The following DHX8 variants were observed in gnomAD, a reference collection of about 807,000 sequenced individuals.
The protein encoded by DHX8 is ATP-dependent RNA helicase DHX8.
A neutral mutation model predicts 140.7 loss-of-function variants in DHX8; 67 were observed. That is an observed-to-expected ratio of 0.48 (90% CI 0.39 to 0.58). The LOEUF (loss-of-function observed/expected upper bound fraction) is 0.58, where lower values mean the gene tolerates loss of function less well. Ranked by LOEUF, DHX8 falls within the 20% of genes least tolerant of loss-of-function variation. The pLI is 0.00. For synonymous variants in DHX8, 533 were observed against 553.2 expected, an observed-to-expected ratio of 0.96 and a Z score of 0.51; for missense variants, 887 against 1,550.7, an observed-to-expected ratio of 0.57 and a Z score of 7.19.
chr17:43,490,671 T>C (rs1450027433), intron 3 of DHX8, among the ~76,000 whole-genome samples: 1 of 152,042 alleles, frequency 6.6e-6, no homozygotes, highest in Admixed American at 6.5e-5. Flanking sequence ...CCAGGAGTTT[T>C]AGACCAGCCT....
At position 43,492,994 on chromosome 17, in the gene DHX8, A is replaced by G. The variant is rs1190125398; in HGVS notation, c.817A>G (p.Thr273Ala). 6.2e-7 allele frequency: 1 copy of G among 1,614,172 alleles called. No homozygotes were observed. Among genetic ancestry groups the G allele is most frequent in the South Asian group, 1.1e-5 (1 of 91,090 alleles). The stretch of plus-strand genomic sequence containing the variant: ...TGGTGACATTTATAATGGCAAAGTT[A>G]CCAGCATCATGCAGTTTGGTTGCTT... ...TIGDIYNGKV[T>A]SIMQFGCFVQ... Residue 273 changes from threonine (T) to alanine (A), a missense_variant, in exon 6 of 23, where the codon ACC (threonine) becomes GCC (alanine). Around this residue, in one of 9 missense-constraint regions of DHX8, gnomAD observed 304 missense variants for 306.9 expected, o/e 0.99. Transcript: ENST00000262415.
At chr17:43,514,773 A>T (rs1970022944) in intron 17 of DHX8, among the ~76,000 whole-genome samples, 2 of 152,248 alleles carry the variant, frequency 1.3e-5, no homozygotes, top group Non-Finnish European at 2.9e-5. Flanking sequence ...AATGTATTCC[A>T]AAAGGGAAGT....
intron 8 of DHX8, 79 bp downstream of exon 8, chr17:43,493,965 T>C (rs1299356982): frequency 2.0e-6 from 3 of 1,467,556 alleles, no homozygotes; most frequent in Non-Finnish European, 2.8e-6. Flanking sequence ...TGGAGCACGA[T>C]GGCCTGGGAT....
chr17:43,524,648 A>G lies in DHX8; in HGVS notation c.*801A>G, dbSNP rs1181288794. 1.0e-6 allele frequency: 1 copy of G among 984,762 alleles called. No individual in the cohort carries two copies. Among genetic ancestry groups the G allele is most frequent in the African/African-American group, 1.8e-5 (1 of 57,006 alleles). The allele number at this position is 984,762 out of a possible 1,614,324, so 61.0% of individuals were successfully genotyped here. ...CAGAAGGTTTCCCCTTGCTCCCTCC[A>G]CCTCCCACATTCGCAATGTGCAGCA... is the stretch of plus-strand genomic sequence containing the variant. On this transcript the variant is annotated 3_prime_UTR_variant, in exon 23 of 23. Coordinates refer to ENST00000262415, the MANE Select transcript of DHX8 (RefSeq NM_004941.3).
rs967919154 is a variant in DHX8 at position 43,521,490 on chromosome 17, A to G, written c.3188A>G (p.Tyr1063Cys). ...KNNKFSNPWC[Y>C]ENFIQARSLR... is the part of the protein sequence containing the mutation. ...AACAAGTTCTCCAACCCATGGTGCT[A>G]TGAGAACTTTATCCAGGCTCGTTCC... is the stretch of plus-strand genomic sequence containing the variant. The change falls in exon 21 of 23, where the codon TAT (tyrosine) becomes TGT (cysteine). Residue 1063 changes from tyrosine (Y) to cysteine (C), a missense_variant. Coordinates refer to ENST00000262415, the MANE Select transcript of DHX8 (RefSeq NM_004941.3). The G allele has an allele frequency of 1.2e-6, 2 of 1,613,918 alleles. No individual in the cohort carries two copies. Among genetic ancestry groups the G allele is most frequent in the Non-Finnish European group, 8.5e-7 (1 of 1,179,994 alleles).
chr17:43,512,688 A>G (rs1402967030), intron 16 of DHX8, among the ~76,000 whole-genome samples: 1 of 152,190 alleles, frequency 6.6e-6, no homozygotes, highest in Non-Finnish European at 1.5e-5. Flanking sequence ...AGATGCTGGC[A>G]TGATGCGTGA....
intron 3 of DHX8, among the ~76,000 whole-genome samples, chr17:43,540,491 C>T (rs575510464): frequency 6.6e-6 from 1 of 152,222 alleles, no homozygotes; most frequent in Non-Finnish European, 1.5e-5. Flanking sequence ...ACACGATTCC[C>T]AGTCCCCTCC....
At chr17:43,533,002 G>C in intron 2 of DHX8, 1 of 1,521,938 alleles carries the variant, frequency 6.6e-7, no homozygotes, top group Non-Finnish European at 8.8e-7. Context: ...CCTCGAGCCT[G>C]TTACTCCTAG....
chr17:43,533,727 C>T lies in DHX8; in HGVS notation c.351-2685C>T, dbSNP rs1864663283. 9 of 1,203,428 alleles carry T rather than the reference C, an allele frequency of 7.5e-6. No homozygotes were observed. The South Asian group carries it at 1.3e-4, about 18-fold the overall frequency. The allele number at this position is 1,203,428 out of a possible 1,614,324, so 74.5% of individuals were successfully genotyped here. A position where few individuals can be genotyped will look rare whatever the true frequency, so the allele number is the denominator to read the frequency against. On this transcript the variant is annotated intron_variant, in intron 2 of 3. Coordinates refer to the DHX8 transcript ENST00000589898. ...AGGAAATCCTTAGCTGTATTGCTTC[C>T]TTACAAGTGCTAGAAAATCCTTTCT...
downstream of DHX8, chr17:43,526,457 C>T (rs954335254): frequency 9.1e-6 from 14 of 1,534,864 alleles, no homozygotes; most frequent in Admixed American, 3.9e-5. Context: ...TACTTCATCC[C>T]GCCTGGACGT....
At chr17:43,533,717 G>A (rs1242553940) in intron 2 of DHX8, 3 of 1,072,696 alleles carry the variant, frequency 2.8e-6, no homozygotes, top group African/African-American at 3.3e-5. Context: ...ATCCTTAGCT[G>A]TATTGCTTCC....
Position 43,522,714 on chromosome 17 carries a change from T to C in DHX8, c.3443+488T>C, listed in dbSNP as rs1457604037. On this transcript the variant is annotated intron_variant, in intron 22 of 22. Transcript: ENST00000262415. ...AGTGAGCCGAAATCACCCATTGCACTCCAGCCTGGGCAACAAGAGCGAAAC... is the reference window on the plus strand; with the variant it reads ...AGTGAGCCGAAATCACCCATTGCACCCCAGCCTGGGCAACAAGAGCGAAAC... 3.7e-5 allele frequency among the ~76,000 whole-genome samples: 4 copies of C among 108,744 alleles called. No homozygotes were observed. In the Admixed American group the frequency reaches 5.3e-4, roughly 14 times the overall value. 71.3% of individuals were successfully genotyped at this position (108,744 alleles called of 152,430 possible). A position where few individuals can be genotyped will look rare whatever the true frequency, so the allele number is the denominator to read the frequency against.
chr17:43,528,459 A>AT, downstream of DHX8: 2 of 1,172,570 alleles, frequency 1.7e-6, no homozygotes, highest in African/African-American at 1.5e-5. Flanking sequence ...CCAACACCAG[A>AT]TTCATTTATA....
chr17:43,506,789 C>G (rs146070647), intron 12 of DHX8, among the ~76,000 whole-genome samples: 1 of 152,018 alleles, frequency 6.6e-6, no homozygotes, highest in East Asian at 1.9e-4. Context: ...TTGGGAGTTA[C>G]AGTGGGAAGG....
intron 16 of DHX8, among the ~76,000 whole-genome samples, chr17:43,509,100 C>T (rs943352412): frequency 6.6e-6 from 1 of 152,234 alleles, no homozygotes; most frequent in African/African-American, 2.4e-5. Flanking sequence ...ATTGTGAGAA[C>T]AAGCCTCTAT....
rs1970501719 is a variant in DHX8, at chr17:43,523,695, C to T, written c.3511C>T (p.Arg1171Trp). The T allele has an allele frequency of 1.2e-6, 2 of 1,614,198 alleles. No homozygotes were observed. The highest frequency in any genetic ancestry group is 8.5e-7 in the Non-Finnish European group (1 of 1,180,046). Reference sequence around the variant, plus strand: ...GCGTGAAGTTACCACCATCGACCCTCGGTGGCTTGTGGAGTTTGCCCCAGC... The same window carrying T: ...GCGTGAAGTTACCACCATCGACCCTTGGTGGCTTGTGGAGTTTGCCCCAGC... ...YMREVTTIDP[R>W]WLVEFAPAFF... The change falls in exon 23 of 23, where the codon CGG becomes TGG. Residue 1171 changes from arginine to tryptophan, a missense_variant. By Grantham distance (101) the Arg-to-Trp change is moderately radical (BLOSUM62 -3). This residue lies in a region of DHX8 where 101 missense variants were observed against 168.2 expected (regional missense o/e 0.60). Coordinates refer to ENST00000262415, the MANE Select transcript of DHX8 (RefSeq NM_004941.3).
chr17:43,498,443 G>A (rs143289850), intron 9 of DHX8, among the ~76,000 whole-genome samples: 1,715 of 149,896 alleles, frequency 0.011, 16 homozygotes, highest in Non-Finnish European at 0.019. Context: ...CACTGCACCC[G>A]GCCTTTTTTT....
chr17:43,512,841 A>G (rs961416107), intron 16 of DHX8, among the ~76,000 whole-genome samples: 1 of 152,224 alleles, frequency 6.6e-6, no homozygotes, highest in Admixed American at 6.5e-5. Flanking sequence ...CAAACTGTGA[A>G]ATTCCTGTGT....
chr17:43,484,064 A>C lies in DHX8; in HGVS notation c.27A>C (p.Gly9=), dbSNP rs765295823. The C allele has an allele frequency of 7.4e-6, 12 of 1,613,956 alleles. No homozygotes were observed. Among genetic ancestry groups the C allele is most frequent in the Non-Finnish European group, 9.3e-6 (11 of 1,180,010 alleles). The change falls in exon 1 of 23, where the codon GGA becomes GGC. Residue 9 remains glycine, a synonymous_variant. Transcript: ENST00000262415. MAVAVAMA[G]ALIGSEPGPA... ...TGGCTGTGGCTGTAGCCATGGCGGGAGCCTTAATCGGGTCGGAGCCAGGCC... is the reference window on the plus strand; with the variant it reads ...TGGCTGTGGCTGTAGCCATGGCGGGCGCCTTAATCGGGTCGGAGCCAGGCC...
Sources: allele counts gnomAD v4.1 joint callset (sites outside exome capture counted in the v4.1 genomes callset), GRCh38; gene constraint gnomAD v4.1.1; regional missense constraint gnomAD v4.1.1; transcripts MANE v1.5; gene names NCBI Gene and HGNC (gene_info 2026-07-23, HGNC 2026-07-21).